Variants in LRP1B observed in about 807,000 individuals in gnomAD.
LRP1B encodes the protein LDL receptor related protein 1B.
Under a neutral mutation model 556.6 loss-of-function variants are expected in LRP1B, and 217 were observed. The ratio of observed to expected loss-of-function variants is 0.39; its 90% CI spans 0.35 to 0.44. The LOEUF is 0.44. LRP1B is among the 20% of genes least tolerant of loss of function. The pLI is 1.00. For synonymous variants in LRP1B, 2,047 were observed against 1,865.8 expected (o/e 1.10, Z -2.50); for missense variants, 5,053 against 5,620.8 (o/e 0.90, Z 3.23).
chr2:141,999,231 CAT>C (rs1702589361), intron 1 of LRP1B, among the ~76,000 whole-genome samples: 1 of 151,974 alleles, frequency 6.6e-6, no homozygotes, highest in African/African-American at 2.4e-5. Context: ...TATAAGGAGG[CAT>C]GTCCGACCCT....
intron 41 of LRP1B, among the ~76,000 whole-genome samples, chr2:140,638,705 G>C (rs1684162897): frequency 6.6e-6 from 1 of 152,006 alleles, no homozygotes; most frequent in African/African-American, 2.4e-5. Context: ...AACAACTGGT[G>C]TACTCTACAA....
At chr2:142,034,992 T>C (rs1703830862) in intron 1 of LRP1B, among the ~76,000 whole-genome samples, 1 of 151,834 alleles carries the variant, frequency 6.6e-6, no homozygotes, top group Non-Finnish European at 1.5e-5. Flanking sequence ...TAATCATGTA[T>C]GAATAAAGAT....
intron 2 of LRP1B, among the ~76,000 whole-genome samples, chr2:141,520,354 G>C (rs1248661402): frequency 6.6e-6 from 1 of 152,106 alleles, no homozygotes; most frequent in Non-Finnish European, 1.5e-5. Context: ...CCATTTCCTT[G>C]TAAAACAAAA....
intron 81 of LRP1B, 81 bp downstream of exon 81, chr2:140,323,812 G>C (rs1680300719): frequency 1.4e-6 from 1 of 702,282 alleles, no homozygotes; most frequent in Admixed American, 2.7e-5. Flanking sequence ...ACATAGTTAA[G>C]ATATTTAAAA....
intron 2 of LRP1B, among the ~76,000 whole-genome samples, chr2:141,526,842 AAGAGT>A (rs1191049595): frequency 6.6e-6 from 1 of 152,114 alleles, no homozygotes; most frequent in Admixed American, 6.6e-5. Flanking sequence ...AAAAATAAAC[AAGAGT>A]AAAGAGTATA....
chr2:141,062,553 A>G (rs1443661894), intron 7 of LRP1B, among the ~76,000 whole-genome samples: 2 of 151,786 alleles, frequency 1.3e-5, no homozygotes, highest in African/African-American at 4.8e-5. Context: ...TGTTTCTTTA[A>G]GCCTCATGGA....
chr2:141,824,962 T>C lies in LRP1B; in HGVS notation c.83-14561A>G, dbSNP rs559702029. 6.6e-5 allele frequency among the ~76,000 whole-genome samples: 10 copies of C among 152,288 alleles called. No individual in the cohort carries two copies. The East Asian group carries it at 1.9e-3, about 29-fold the overall frequency. On this transcript the variant is annotated intron_variant, in intron 1 of 90. Coordinates refer to ENST00000389484, the MANE Select transcript of LRP1B (RefSeq NM_018557.3). ...GTGAGGGAGTTCTCACAAGATCCGA[T>C]GGTTTTTAAAGTGGTAGTTTACCCT...
chr2:141,707,729 T>G (rs1692196848), intron 2 of LRP1B, among the ~76,000 whole-genome samples: 2 of 152,104 alleles, frequency 1.3e-5, no homozygotes, highest in Non-Finnish European at 2.9e-5. Flanking sequence ...CTAGTTAGAG[T>G]GACAAATGTA....
intron 55 of LRP1B, among the ~76,000 whole-genome samples, chr2:140,496,431 C>G (rs1688943252): frequency 6.6e-6 from 1 of 151,910 alleles, no homozygotes; most frequent in African/African-American, 2.4e-5. Flanking sequence ...GATTCCATAC[C>G]TAGATATGTA....
chr2:140,711,340 C>A (rs1047498391), intron 37 of LRP1B, among the ~76,000 whole-genome samples: 1 of 151,896 alleles, frequency 6.6e-6, no homozygotes, highest in Non-Finnish European at 1.5e-5. Flanking sequence ...GCTCCAGGGA[C>A]CTACCTAGAA....
intron 67 of LRP1B, among the ~76,000 whole-genome samples, chr2:140,378,987 A>G (rs546032800): frequency 1.3e-5 from 2 of 152,310 alleles, no homozygotes. Flanking sequence ...CCACATAGTA[A>G]TGACTTACTA....
At chr2:141,467,667 T>C (rs1428997125) in intron 3 of LRP1B, among the ~76,000 whole-genome samples, 1 of 152,100 alleles carries the variant, frequency 6.6e-6, no homozygotes, top group Non-Finnish European at 1.5e-5. Context: ...TTTGTAGTTA[T>C]AGTCATCAAG....
At chr2:141,653,478 C>T (rs190829069) in intron 2 of LRP1B, among the ~76,000 whole-genome samples, 109 of 152,316 alleles carry the variant, frequency 7.2e-4, no homozygotes, top group African/African-American at 2.5e-3. Flanking sequence ...GTGCTCCTGG[C>T]ATCAAGGCCA....
At chr2:140,775,034 G>A (rs1443595384) in intron 33 of LRP1B, among the ~76,000 whole-genome samples, 2 of 152,046 alleles carry the variant, frequency 1.3e-5, no homozygotes, top group African/African-American at 4.8e-5. Context: ...AAATACTTCA[G>A]ATAAATGTTT....
chr2:140,763,869 AT>A (rs1430762645), intron 35 of LRP1B, among the ~76,000 whole-genome samples: 1 of 152,138 alleles, frequency 6.6e-6, no homozygotes, highest in African/African-American at 2.4e-5. Flanking sequence ...TGTTCACATG[AT>A]TAAAAAATAT....
intron 2 of LRP1B, among the ~76,000 whole-genome samples, chr2:141,731,509 G>A (rs1693272455): frequency 6.6e-6 from 1 of 152,090 alleles, no homozygotes; most frequent in South Asian, 2.1e-4. Flanking sequence ...ATTTTTCCGA[G>A]TCAGCGTATA....
intron 2 of LRP1B, among the ~76,000 whole-genome samples, chr2:141,496,619 T>C (rs1375469693): frequency 6.6e-6 from 1 of 152,060 alleles, no homozygotes; most frequent in African/African-American, 2.4e-5. Flanking sequence ...AATATTAATA[T>C]ATTGGCACAT....
chr2:141,370,100 A>G (rs1159751295), intron 3 of LRP1B, among the ~76,000 whole-genome samples: 2 of 152,144 alleles, frequency 1.3e-5, no homozygotes. Flanking sequence ...TGCTGCAATA[A>G]ACATATGAGT....
chr2:141,068,146 T>A (rs1053948488), intron 7 of LRP1B, among the ~76,000 whole-genome samples: 3 of 151,922 alleles, frequency 2.0e-5, no homozygotes, highest in Admixed American at 6.6e-5. Context: ...TTCAGAAAAA[T>A]TGTGTTCTAA....
Sources: gnomAD v4.1 joint callset for allele counts (sites outside exome capture counted in the v4.1 genomes callset) on GRCh38, gnomAD v4.1.1 for gene constraint, MANE v1.5 for transcripts, NCBI Gene and HGNC (gene_info 2026-07-23, HGNC 2026-07-21) for gene names.